The following POLR2F variants were observed in gnomAD, a reference collection of about 807,000 sequenced individuals.
POLR2F encodes DNA-directed RNA polymerases I, II, and III subunit RPABC2.
A neutral mutation model predicts 22.7 loss-of-function variants in POLR2F; 12 were observed. That is an observed-to-expected ratio of 0.53 (90% CI 0.34 to 0.86). The LOEUF (loss-of-function observed/expected upper bound fraction) is 0.86. POLR2F is among the 40% of genes least tolerant of loss of function. POLR2F has a pLI of 0.02. For synonymous variants in POLR2F, 57 were observed against 66.0 expected (o/e 0.86, Z 0.66); for missense variants, 126 against 171.5 (o/e 0.73, Z 1.48).
chr22:37,967,290 T>A, intron 4 of POLR2F, 120 bp downstream of exon 4: 1 of 1,546,732 alleles, frequency 6.5e-7, no homozygotes, highest in Non-Finnish European at 8.7e-7. Flanking sequence ...TTCCTACAGA[T>A]CCTTAGGAAC....
intron 3 of POLR2F, among the ~76,000 whole-genome samples, chr22:37,960,023 C>T (rs1408226016): frequency 6.6e-6 from 1 of 151,990 alleles, no homozygotes; most frequent in African/African-American, 2.4e-5. Context: ...AGGCTAGTCT[C>T]GAACGCCTAG....
chr22:38,030,426 G>A (rs1251953102), downstream of POLR2F, among the ~76,000 whole-genome samples: 1 of 152,028 alleles, frequency 6.6e-6, no homozygotes, highest in Non-Finnish European at 1.5e-5. Flanking sequence ...ATATCAACTG[G>A]CTTCGATTCC....
chr22:37,988,015 GGAGTT>G (rs1235752320), intron 1 of POLR2F: 1 of 152,196 alleles, frequency 6.6e-6, no homozygotes, highest in African/African-American at 2.4e-5. Flanking sequence ...AATCACTTGT[GGAGTT>G]AAGAAAAACA....
At chr22:38,020,388 C>T (rs2145819781) in intron 1 of POLR2F, among the ~76,000 whole-genome samples, 1 of 151,670 alleles carries the variant, frequency 6.6e-6, no homozygotes, top group African/African-American at 2.4e-5. Context: ...CTTCAGCTTC[C>T]TGAGTAGCTG....
chr22:37,967,455 A>T (rs1931901292), intron 4 of POLR2F, 170 bp from the exon 5 acceptor site: 1 of 1,436,292 alleles, frequency 7.0e-7, no homozygotes, highest in Non-Finnish European at 9.1e-7. Flanking sequence ...CTTGTCTGAT[A>T]TAAAAACTTT....
chr22:37,986,622 T>G lies in POLR2F; in HGVS notation c.120+310T>G. 4 of 639,780 alleles carry G rather than the reference T, an allele frequency of 6.3e-6. No homozygotes were observed. The highest frequency in any genetic ancestry group is 1.8e-5 in the African/African-American group (1 of 55,862). 39.6% of individuals were successfully genotyped at this position (639,780 alleles called of 1,614,324 possible). A position where few individuals can be genotyped will look rare whatever the true frequency, so the allele number is the denominator to read the frequency against. ...GGCCACTCCCTCTCTCTCTCCCTTG[T>G]CCCCGCACAGACACTGCCTTCCTCT... On this transcript the variant is annotated intron_variant, in intron 1 of 2. Coordinates refer to the POLR2F transcript ENST00000333418. This position sits in a 1 kb window ranked among gnomAD's most constrained non-coding sequence, Gnocchi z 4.7.
At chr22:37,986,130 C>G, upstream of POLR2F, 1 of 1,505,804 alleles carries the variant, frequency 6.6e-7, no homozygotes, top group Non-Finnish European at 8.9e-7. This position sits in a 1 kb window ranked among gnomAD's most constrained non-coding sequence, Gnocchi z 4.7. Flanking sequence ...TTAACACACA[C>G]ACACATAAAA....
intron 1 of POLR2F, among the ~76,000 whole-genome samples, chr22:38,010,947 T>C (rs975124625): frequency 6.6e-6 from 1 of 151,986 alleles, no homozygotes; most frequent in Non-Finnish European, 1.5e-5. Flanking sequence ...GCGAAAGTTT[T>C]GAATTTTGAG....
chr22:37,972,292 G>A (rs1247313345), downstream of POLR2F: 4 of 1,284,038 alleles, frequency 3.1e-6, no homozygotes, highest in Non-Finnish European at 4.1e-6. Context: ...AGACAGGCCA[G>A]GTCAGGCTCA....
chr22:37,967,420 C>T (rs185724711), intron 4 of POLR2F: 2 of 1,435,720 alleles, frequency 1.4e-6, no homozygotes, highest in East Asian at 5.0e-5. Flanking sequence ...GGAGGCCTTA[C>T]CAATATTCTG....
At chr22:38,024,003 G>T (rs754515401) in intron 1 of POLR2F, among the ~76,000 whole-genome samples, 1 of 151,922 alleles carries the variant, frequency 6.6e-6, no homozygotes, top group Non-Finnish European at 1.5e-5. Context: ...CACCATGCCC[G>T]GTTAATTTTT....
At chr22:37,998,822 G>C (rs2145796370) in intron 1 of POLR2F, among the ~76,000 whole-genome samples, 1 of 152,174 alleles carries the variant, frequency 6.6e-6, no homozygotes, top group Non-Finnish European at 1.5e-5. Flanking sequence ...GAATGTGAGA[G>C]GGAGAGAGAG....
chr22:37,999,062 TC>T (rs2084745114), intron 1 of POLR2F, among the ~76,000 whole-genome samples: 1 of 151,878 alleles, frequency 6.6e-6, no homozygotes, highest in Non-Finnish European at 1.5e-5. Flanking sequence ...CTGTCTTCCC[TC>T]ATTCCCAGAC....
chr22:38,023,485 C>T (rs1309552427), intron 1 of POLR2F, among the ~76,000 whole-genome samples: 3 of 151,794 alleles, frequency 2.0e-5, no homozygotes, highest in Non-Finnish European at 4.4e-5. Flanking sequence ...CCTAAAATTT[C>T]CCATATTAAC....
chr22:37,991,488 A>C (rs903637411), intron 1 of POLR2F, among the ~76,000 whole-genome samples: 2 of 152,240 alleles, frequency 1.3e-5, no homozygotes, highest in African/African-American at 4.8e-5. Context: ...AAGCATGCTA[A>C]AAGTTCTAAA....
At position 37,986,530 on chromosome 22, in the gene POLR2F, T is replaced by G; in HGVS notation, c.120+218T>G. 2 of 1,134,634 alleles carry G rather than the reference T, an allele frequency of 1.8e-6. No individual in the cohort carries two copies. The highest frequency in any genetic ancestry group is 1.5e-5 in the African/African-American group (1 of 65,512). The allele number at this position is 1,134,634 out of a possible 1,614,324, so 70.3% of individuals were successfully genotyped here. A position where few individuals can be genotyped will look rare whatever the true frequency, so the allele number is the denominator to read the frequency against. ...TCCTTTGCCCTCCTTGGTCCAGCTG[T>G]GCCAGGATGGGGGTGGGGGTAGCAG... is the stretch of plus-strand genomic sequence containing the variant. On this transcript the variant is annotated intron_variant, in intron 1 of 2. Coordinates refer to the POLR2F transcript ENST00000333418. This position sits in a 1 kb window ranked among gnomAD's most constrained non-coding sequence, Gnocchi z 4.7.
At chr22:38,026,491 C>T (rs2145826166) in exon 3 of POLR2F, 1 of 361,760 alleles carries the variant, frequency 2.8e-6, no homozygotes. Flanking sequence ...TGCCCATCTG[C>T]AACTGTGAGA....
At chr22:37,959,306 G>A in intron 2 of POLR2F, 40 bp from the exon 3 acceptor site, 1 of 1,606,908 alleles carries the variant, frequency 6.2e-7, no homozygotes. Context: ...ACCCAAAAGT[G>A]CCACCTGAGT....
At chr22:37,970,586 A>G (rs1448297462), downstream of POLR2F, 1 of 147,900 alleles carries the variant, frequency 6.8e-6, no homozygotes, top group African/African-American at 2.5e-5. Flanking sequence ...CAGCCTGGCA[A>G]CAGAGCAAGA....
Sources: gnomAD v4.1 joint callset for allele counts (sites outside exome capture counted in the v4.1 genomes callset) on GRCh38, gnomAD v4.1.1 for gene constraint, Gnocchi (gnomAD v3.1) non-coding constraint, MANE v1.5 for transcripts, NCBI Gene and HGNC (gene_info 2026-07-23, HGNC 2026-07-21) for gene names.